Variants in ACKR2 observed in about 807,000 individuals in gnomAD.
The protein encoded by ACKR2 is C-C chemokine receptor D6.
For missense variants in ACKR2, 457 were observed against 477.3 expected, an observed-to-expected ratio of 0.96 and a Z score of 0.40; for synonymous variants, 207 against 192.2, an observed-to-expected ratio of 1.08 and a Z score of -0.64.
At chr3:42,845,733 C>G (rs1414852883) in intron 2 of ACKR2, among the ~76,000 whole-genome samples, 1 of 151,482 alleles carries the variant, frequency 6.6e-6, no homozygotes, top group Non-Finnish European at 1.5e-5. Context: ...CCTGTCATCC[C>G]AGCTACTTGG....
At chr3:42,821,140 C>T (rs1700806382) in intron 2 of ACKR2, among the ~76,000 whole-genome samples, 1 of 152,126 alleles carries the variant, frequency 6.6e-6, no homozygotes, top group Middle Eastern at 3.4e-3. Context: ...CGCCTCGGCA[C>T]CCCAAAGTGC....
intron 2 of ACKR2, among the ~76,000 whole-genome samples, chr3:42,844,868 C>T (rs2125615393): frequency 6.6e-6 from 1 of 152,312 alleles, no homozygotes; most frequent in Admixed American, 6.5e-5. Context: ...TGCAGGGGAG[C>T]ATGGTGCCAC....
chr3:42,836,451 C>A (rs1307578636), intron 2 of ACKR2, among the ~76,000 whole-genome samples: 3 of 152,166 alleles, frequency 2.0e-5, no homozygotes, highest in Non-Finnish European at 4.4e-5. Flanking sequence ...GTTCTGTGTT[C>A]CTTTGCAGCC....
chr3:42,825,577 ATGTGTGTGTG>A (rs113371609), intron 2 of ACKR2, among the ~76,000 whole-genome samples: 91 of 148,818 alleles, frequency 6.1e-4, no homozygotes, highest in African/African-American at 2.1e-3. Context: ...GTTAGCTCTG[ATGTGTGTGTG>A]TGTGTGTGTG....
At position 42,865,069 on chromosome 3, in the gene ACKR2, C is replaced by T; in HGVS notation, c.567C>T (p.Pro189=). 1 of 1,614,080 alleles carries T rather than the reference C, an allele frequency of 6.2e-7. No individual in the cohort carries two copies. The highest frequency in any genetic ancestry group is 1.1e-5 in the South Asian group (1 of 91,064). ...TCTTTGTACAGACACATGAAAATCC[C>T]AAGGGTGTGTGGAACTGCCACGCAG... is the stretch of plus-strand genomic sequence containing the variant. The part of the protein sequence containing the change: ...DMVFVQTHEN[P]KGVWNCHADF... The change falls in exon 3 of 3, where the codon CCC becomes CCT. Residue 189 remains proline (P), a synonymous_variant. Coordinates refer to ENST00000422265, the MANE Select transcript of ACKR2 (RefSeq NM_001296.5).
intron 2 of ACKR2, among the ~76,000 whole-genome samples, chr3:42,855,653 G>A (rs2088309226): frequency 6.6e-6 from 1 of 152,186 alleles, no homozygotes; most frequent in Admixed American, 6.5e-5. Flanking sequence ...GGAGGGCAAA[G>A]GCCTGATGGC....
At chr3:42,850,791 G>A (rs1701147916) in intron 2 of ACKR2, among the ~76,000 whole-genome samples, 1 of 152,182 alleles carries the variant, frequency 6.6e-6, no homozygotes. Context: ...GGAACAGATA[G>A]TTAAATAGGC....
At chr3:42,824,836 C>G (rs139251794) in intron 2 of ACKR2, among the ~76,000 whole-genome samples, 44 of 152,244 alleles carry the variant, frequency 2.9e-4, no homozygotes, top group African/African-American at 1.1e-3. Context: ...CATATGATTT[C>G]AATTTTCTTG....
chr3:42,846,117 A>T (rs1038811051), intron 2 of ACKR2, among the ~76,000 whole-genome samples: 25 of 152,022 alleles, frequency 1.6e-4, no homozygotes, highest in Non-Finnish European at 2.2e-4. Context: ...AGACAAATTA[A>T]TACATGTAAT....
At chr3:42,853,807 G>A (rs1033044486) in intron 2 of ACKR2, among the ~76,000 whole-genome samples, 1 of 152,160 alleles carries the variant, frequency 6.6e-6, no homozygotes, top group African/African-American at 2.4e-5. Context: ...TATTTTAAAG[G>A]AGGATATGAT....
At chr3:42,821,655 CT>C (rs1700810350) in intron 2 of ACKR2, among the ~76,000 whole-genome samples, 1 of 152,076 alleles carries the variant, frequency 6.6e-6, no homozygotes, top group African/African-American at 2.4e-5. Flanking sequence ...TTTCTTTTTG[CT>C]GCCTATGCTC....
At chr3:42,836,677 T>C (rs1700990229) in intron 2 of ACKR2, among the ~76,000 whole-genome samples, 1 of 152,162 alleles carries the variant, frequency 6.6e-6, no homozygotes, top group Non-Finnish European at 1.5e-5. Context: ...TTGAATACAA[T>C]TCAGAGTCTG....
Position 42,837,970 on chromosome 3 carries a change from A to G in ACKR2, c.-38+18259A>G, listed in dbSNP as rs1701001548. Reference sequence around the variant, plus strand: ...TATGTATTTTCAGTGTTTACTGGACACTGAAGATACATAAATTTATATTAT... The same window carrying G: ...TATGTATTTTCAGTGTTTACTGGACGCTGAAGATACATAAATTTATATTAT... On this transcript the variant is annotated intron_variant, in intron 2 of 2. Coordinates refer to ENST00000422265, the MANE Select transcript of ACKR2 (RefSeq NM_001296.5). 2.0e-5 allele frequency among the ~76,000 whole-genome samples: 3 copies of G among 152,216 alleles called. No homozygotes were observed. The South Asian group carries it at 6.2e-4, about 32-fold the overall frequency.
chr3:42,850,214 T>C (rs1235369947), intron 2 of ACKR2, among the ~76,000 whole-genome samples: 1 of 152,112 alleles, frequency 6.6e-6, no homozygotes, highest in Non-Finnish European at 1.5e-5. Context: ...GTCCCCTGCT[T>C]CCTTCTGCCT....
At chr3:42,860,127 A>G (rs569551178) in intron 2 of ACKR2, among the ~76,000 whole-genome samples, 1 of 134,138 alleles carries the variant, frequency 7.5e-6, no homozygotes, top group East Asian at 2.6e-4. Context: ...GGCTCAAAAT[A>G]AAGGGATGGA....
chr3:42,825,187 G>A (rs572772074), intron 2 of ACKR2, among the ~76,000 whole-genome samples: 65 of 152,220 alleles, frequency 4.3e-4, no homozygotes, highest in Middle Eastern at 3.4e-3. Context: ...TGGCTATTCT[G>A]GGTTCCTTGC....
At chr3:42,821,279 GAGTGAGTTGT>G (rs1700807361) in intron 2 of ACKR2, among the ~76,000 whole-genome samples, 1 of 152,176 alleles carries the variant, frequency 6.6e-6, no homozygotes, top group African/African-American at 2.4e-5. Flanking sequence ...AGGCTATAGT[GAGTGAGTTGT>G]CCCTGGCATC....
chr3:42,838,165 T>C (rs938864680), intron 2 of ACKR2, among the ~76,000 whole-genome samples: 5 of 152,116 alleles, frequency 3.3e-5, no homozygotes, highest in African/African-American at 1.2e-4. Flanking sequence ...ACCAAAAGCA[T>C]AATCCATAAA....
At chr3:42,840,259 C>CAAAAAAA (rs34830187) in intron 2 of ACKR2, among the ~76,000 whole-genome samples, 1 of 34,652 alleles carries the variant, frequency 2.9e-5, no homozygotes, top group Non-Finnish European at 5.3e-5. Flanking sequence ...GACTCCGTCT[C>CAAAAAAA]AAAAAAAAAA....
Sources: gnomAD v4.1 joint callset for allele counts (sites outside exome capture counted in the v4.1 genomes callset) on GRCh38, gnomAD v4.1.1 for gene constraint, MANE v1.5 for transcripts, NCBI Gene and HGNC (gene_info 2026-07-23, HGNC 2026-07-21) for gene names.